ACOX1: variants seen among roughly 807,000 people sequenced by gnomAD.
ACOX1 encodes the protein acyl-CoA oxidase 1.
ACOX1 carries 41 observed loss-of-function variants against 75.5 expected under a neutral mutation model. That is an observed-to-expected ratio of 0.54 (90% CI 0.42 to 0.70). The LOEUF (loss-of-function observed/expected upper bound fraction) is 0.70. ACOX1 is among the 30% of genes least tolerant of loss of function. ACOX1 has a pLI of 0.00. For synonymous variants in ACOX1, 303 were observed against 298.8 expected (o/e 1.01, Z -0.15); for missense variants, 630 against 837.5 (o/e 0.75, Z 3.06).
chr17:75,953,114 T>G (rs1158679593), intron 7 of ACOX1: 1 of 302,300 alleles, frequency 3.3e-6, no homozygotes, highest in Non-Finnish European at 6.5e-6. Context: ...CAGTTGCTAG[T>G]AGTAATCAGA....
In ACOX1 at chr17:75,978,017, C is replaced by T. The variant is rs1964599664; in HGVS notation, c.269+517G>A. Among the ~76,000 whole-genome samples, 1 of 152,182 alleles carries T rather than the reference C, an allele frequency of 6.6e-6. No individual in the cohort carries two copies. The highest frequency in any genetic ancestry group is 2.4e-5 in the African/African-American group (1 of 41,434). ...ATTTCCATTTATTATCAGCATTCTA[C>T]AAACACGTCATCCCACGAAAAGGCT... On this transcript the variant is annotated intron_variant, in intron 2 of 13. Coordinates refer to ENST00000293217, the MANE Select transcript of ACOX1 (RefSeq NM_004035.7). The surrounding 1 kb of genome is among the most constrained non-coding windows in gnomAD (Gnocchi z 4.2).
Position 75,955,611 on chromosome 17 carries a change from G to T in ACOX1, c.729C>A (p.Asp243Glu). 1 of 1,614,134 alleles carries T rather than the reference G, an allele frequency of 6.2e-7. No individual in the cohort carries two copies. Among genetic ancestry groups the T allele is most frequent in the Non-Finnish European group, 8.5e-7 (1 of 1,180,016 alleles). The change falls in exon 6 of 14, where the codon GAC (aspartate) becomes GAA (glutamate). Residue 243 changes from aspartate (D) to glutamate (E), a missense_variant. By Grantham distance (45) the Asp-to-Glu change is conservative. This residue lies in a region of ACOX1 where 390 missense variants were observed against 574.9 expected (regional missense o/e 0.68). Transcript: ENST00000293217. ...TGTTTTCTCTGGGAATACGATGGTT[G>T]TCCATTTTGAGGTAGCCATTGTCTA... ...DEIDNGYLKM[D>E]NHRIPRENML...
chr17:75,941,698 GC>G lies in ACOX1; in HGVS notation c.*5049del, dbSNP rs1420588237. The G allele has an allele frequency of 6.6e-6, 1 of 152,264 alleles. No homozygotes were observed. The highest frequency in any genetic ancestry group is 1.9e-4 in the East Asian group (1 of 5,188). 9.4% of individuals were successfully genotyped at this position (152,264 alleles called of 1,614,324 possible). On this transcript the variant is annotated 3_prime_UTR_variant, in exon 14 of 14. Transcript: ENST00000293217. The stretch of plus-strand genomic sequence containing the variant: ...CCCCACAGGACACCATTAAGCCAGG[GC>G]TGGGTAACAACATATGCTCAATGCA...
intron 2 of ACOX1, among the ~76,000 whole-genome samples, chr17:75,970,178 C>T (rs1240395549): frequency 1.8e-5 from 1 of 55,296 alleles, no homozygotes; most frequent in Non-Finnish European, 3.2e-5. Context: ...CAACATGAGA[C>T]TCCTTCAAAA....
Position 75,950,862 on chromosome 17 carries a change from A to G in ACOX1, c.1210T>C (p.Cys404Arg). ...ACATAAATATTTGGAAGACCACTGC[A>G]ATGAGAATAGCCATGCCCACCACAA... is the stretch of plus-strand genomic sequence containing the variant. ...MACGGHGYSH[C>R]SGLPNIYVNF... Residue 404 changes from cysteine (C) to arginine (R), a missense_variant, in exon 9 of 14, where the codon TGC becomes CGC. This residue lies in a region of ACOX1 where 390 missense variants were observed against 574.9 expected (regional missense o/e 0.68). Coordinates refer to ENST00000293217, the MANE Select transcript of ACOX1 (RefSeq NM_004035.7). This position sits in a 1 kb window ranked among gnomAD's most constrained non-coding sequence, Gnocchi z 4.3. 1.2e-6 allele frequency: 2 copies of G among 1,614,206 alleles called. No homozygotes were observed. The highest frequency in any genetic ancestry group is 1.7e-6 in the Non-Finnish European group (2 of 1,180,040).
In ACOX1 at chr17:75,955,964, A is replaced by T; in HGVS notation, c.539-17T>A. Reference sequence around the variant, plus strand: ...TCTTTCCAACTGTAATATCAAAGAGAACAAGGGAGGGGTGGGCAAACGTTC... The same window carrying T: ...TCTTTCCAACTGTAATATCAAAGAGTACAAGGGAGGGGTGGGCAAACGTTC... On this transcript the variant is annotated splice_polypyrimidine_tract_variant and intron_variant, in intron 4 of 13. Coordinates refer to ENST00000293217, the MANE Select transcript of ACOX1 (RefSeq NM_004035.7). 1 of 1,614,110 alleles carries T rather than the reference A, an allele frequency of 6.2e-7. No individual in the cohort carries two copies. Among genetic ancestry groups the T allele is most frequent in the Non-Finnish European group, 8.5e-7 (1 of 1,179,986 alleles).
chr17:75,973,107 G>C lies in ACOX1; in HGVS notation c.269+5427C>G, dbSNP rs78648724. ...CAACACAAGAGTTCCCAGACATGTA[G>C]GGGAAAAAATGTCTAAAAAGACTGA... On this transcript the variant is annotated intron_variant, in intron 2 of 13. Coordinates refer to ENST00000293217, the MANE Select transcript of ACOX1 (RefSeq NM_004035.7). Among the ~76,000 whole-genome samples, 488 of 152,298 alleles carry C rather than the reference G, an allele frequency of 3.2e-3. 3 individuals carry two copies. The highest frequency in any genetic ancestry group is 0.011 in the African/African-American group (470 of 41,568).
At chr17:75,966,858 G>T (rs1216624423) in intron 2 of ACOX1, among the ~76,000 whole-genome samples, 1 of 151,828 alleles carries the variant, frequency 6.6e-6, no homozygotes, top group Non-Finnish European at 1.5e-5. Flanking sequence ...AACAAAGAAA[G>T]AAATAAACCT....
At position 75,946,589 on chromosome 17, in the gene ACOX1, C is replaced by T; in HGVS notation, c.*159G>A. 1.0e-5 allele frequency: 7 copies of T among 679,538 alleles called. No homozygotes were observed. The Admixed American group carries it at 1.2e-4, about 12-fold the overall frequency. 42.1% of individuals were successfully genotyped at this position (679,538 alleles called of 1,614,324 possible). A position where few individuals can be genotyped will look rare whatever the true frequency, so the allele number is the denominator to read the frequency against. ...TGCACTTAAAACATCTGCTTTTTTT[C>T]ATTTAATCTCTGAAATCTGTTCATT... On this transcript the variant is annotated 3_prime_UTR_variant, in exon 14 of 14. Transcript: ENST00000293217.
At chr17:75,964,361 G>A (rs1249276498) in intron 2 of ACOX1, among the ~76,000 whole-genome samples, 3 of 152,040 alleles carry the variant, frequency 2.0e-5, no homozygotes, top group African/African-American at 7.2e-5. Flanking sequence ...ACTGAAACCT[G>A]GGACCAGACA....
intron 13 of ACOX1, among the ~76,000 whole-genome samples, chr17:75,947,861 G>A (rs1463486): frequency 0.2 from 29,849 of 151,604 alleles, 3,053 homozygotes; most frequent in Non-Finnish European, 0.22. Flanking sequence ...GACTACAGCC[G>A]TGCACCATTA....
rs1235241608 is a variant in ACOX1 at position 75,941,884 on chromosome 17, A to G, written c.*4864T>C. On this transcript the variant is annotated 3_prime_UTR_variant, in exon 14 of 14. Coordinates refer to ENST00000293217, the MANE Select transcript of ACOX1 (RefSeq NM_004035.7). ...CCGCAGTCTGAATGTGGAAGGTGGA[A>G]GATCACACATTTACTAAGAAACACT... 1.3e-5 allele frequency: 2 copies of G among 152,224 alleles called. No homozygotes were observed. The highest frequency in any genetic ancestry group is 1.5e-5 in the Non-Finnish European group (1 of 68,046). 9.4% of individuals were successfully genotyped at this position (152,224 alleles called of 1,614,324 possible).
At chr17:75,958,593 A>G (rs9896720) in intron 3 of ACOX1, among the ~76,000 whole-genome samples, 2,123 of 146,802 alleles carry the variant, frequency 0.014, 92 homozygotes, top group African/African-American at 0.043. Flanking sequence ...CGGATCACAA[A>G]GTCAGGAGAT....
rs374264259 is a variant in ACOX1 at position 75,978,846 on chromosome 17, G to T, written c.109+119C>A. The T allele has an allele frequency of 8.1e-6, 13 of 1,597,270 alleles. No individual in the cohort carries two copies. In the Admixed American group the frequency reaches 1.3e-4, roughly 17 times the overall value. On this transcript the variant is annotated intron_variant, in intron 1 of 13. Coordinates refer to ENST00000293217, the MANE Select transcript of ACOX1 (RefSeq NM_004035.7). This position sits in a 1 kb window ranked among gnomAD's most constrained non-coding sequence, Gnocchi z 4.2. ...ACACAGGCTGTTCCTCGAAGTGGGG[G>T]TCCCGGCTCCCCTAACGCTGGGCCA...
Position 75,950,653 on chromosome 17 carries a change from G to C in ACOX1, c.1298+121C>G. 8.7e-7 allele frequency: 1 copy of C among 1,150,010 alleles called. No homozygotes were observed. Among genetic ancestry groups the C allele is most frequent in the Non-Finnish European group, 1.3e-6 (1 of 787,860 alleles). 71.2% of individuals were successfully genotyped at this position (1,150,010 alleles called of 1,614,324 possible). On this transcript the variant is annotated intron_variant, in intron 9 of 13. Coordinates refer to ENST00000293217, the MANE Select transcript of ACOX1 (RefSeq NM_004035.7). The surrounding 1 kb of genome is among the most constrained non-coding windows in gnomAD (Gnocchi z 4.3). ...CCGTGAGTCAGGATGGAAGGCAAAAGTATACCTTTCAGGAACAAATATATA... is the reference window on the plus strand; with the variant it reads ...CCGTGAGTCAGGATGGAAGGCAAAACTATACCTTTCAGGAACAAATATATA...
At chr17:75,956,987 A>G in intron 4 of ACOX1, among the ~76,000 whole-genome samples, 1 of 73,266 alleles carries the variant, frequency 1.4e-5, no homozygotes, top group African/African-American at 3.7e-5. Context: ...ATATATATAT[A>G]TATATATATA....
At position 75,944,336 on chromosome 17, in the gene ACOX1, A is replaced by C. The variant is rs879461705; in HGVS notation, c.*2412T>G. 3 of 152,184 alleles carry C rather than the reference A, an allele frequency of 2.0e-5. No individual in the cohort carries two copies. The highest frequency in any genetic ancestry group is 4.4e-5 in the Non-Finnish European group (3 of 68,034). The allele number at this position is 152,184 out of a possible 1,614,324, so 9.4% of individuals were successfully genotyped here. On this transcript the variant is annotated 3_prime_UTR_variant, in exon 14 of 14. Transcript: ENST00000293217. The stretch of plus-strand genomic sequence containing the variant: ...GCTTACAAAATTTTGAATCCAACAG[A>C]CCCAAACTTGTCAGTGGCAGTCTAG...
At chr17:75,970,435 T>A (rs1187963796) in intron 2 of ACOX1, among the ~76,000 whole-genome samples, 1 of 152,180 alleles carries the variant, frequency 6.6e-6, no homozygotes, top group Non-Finnish European at 1.5e-5. Flanking sequence ...GGTTCAGGCC[T>A]CTGCCTTTGA....
chr17:75,957,230 G>A (rs548137546), intron 4 of ACOX1, among the ~76,000 whole-genome samples: 7 of 151,522 alleles, frequency 4.6e-5, no homozygotes, highest in South Asian at 2.1e-4. Context: ...ACAGGTGTGC[G>A]CCACCACACC....
Sources: gnomAD v4.1 joint callset for allele counts (sites outside exome capture counted in the v4.1 genomes callset) on GRCh38, gnomAD v4.1.1 for gene constraint, gnomAD v4.1.1 regional missense constraint, Gnocchi (gnomAD v3.1) non-coding constraint, MANE v1.5 for transcripts, NCBI Gene and HGNC (gene_info 2026-07-23, HGNC 2026-07-21) for gene names.